CSMD1: variants seen among roughly 807,000 people sequenced by gnomAD.
CSMD1 encodes the protein CUB and Sushi multiple domains 1, also known as CUB and sushi domain-containing protein 1.
A neutral mutation model predicts 417.5 loss-of-function variants in CSMD1; 213 were observed. The observed-to-expected ratio is 0.51, with a 90% confidence interval of 0.46 to 0.57. The LOEUF is 0.57. Among genes scored for constraint, CSMD1 ranks in the 20% least tolerant of loss-of-function variants. The probability of loss-of-function intolerance (pLI) is 0.00; values close to 1 mark genes in which losing one functional copy is unlikely to be tolerated. For missense variants in CSMD1, 6,923 were observed against 4,529.7 expected (o/e 1.53, Z -15.17); for synonymous variants, 2,862 against 1,736.8 (o/e 1.65, Z -16.11).
At chr8:3,755,365 G>C (rs555840599) in intron 5 of CSMD1, among the ~76,000 whole-genome samples, 1 of 152,336 alleles carries the variant, frequency 6.6e-6, no homozygotes, top group East Asian at 1.9e-4. Flanking sequence ...AAATGTACCT[G>C]AAGCACATTC....
At chr8:4,972,331 A>T (rs2117387821) in intron 1 of CSMD1, among the ~76,000 whole-genome samples, 1 of 152,242 alleles carries the variant, frequency 6.6e-6, no homozygotes, top group Admixed American at 6.5e-5. Context: ...ATAATCCCCA[A>T]GTGTCAAGGG....
At chr8:3,362,003 T>C (rs1809217433) in intron 20 of CSMD1, among the ~76,000 whole-genome samples, 1 of 152,206 alleles carries the variant, frequency 6.6e-6, no homozygotes, top group African/African-American at 2.4e-5. Flanking sequence ...ACAAGAAAAG[T>C]GTATTGCCTT....
intron 6 of CSMD1, among the ~76,000 whole-genome samples, chr8:3,711,369 G>A (rs147986267): frequency 5.9e-5 from 9 of 152,296 alleles, no homozygotes; most frequent in African/African-American, 2.2e-4. Context: ...GCTGGCCAGA[G>A]GGTGGCTGTT....
intron 7 of CSMD1, among the ~76,000 whole-genome samples, chr8:3,634,333 C>T (rs1369199113): frequency 1.3e-5 from 2 of 152,160 alleles, no homozygotes; most frequent in Non-Finnish European, 2.9e-5. Flanking sequence ...GGACAGCATG[C>T]CTGTGTGACA....
At chr8:4,459,565 G>C (rs187237568) in intron 2 of CSMD1, among the ~76,000 whole-genome samples, 21 of 152,320 alleles carry the variant, frequency 1.4e-4, no homozygotes, top group African/African-American at 5.1e-4. Context: ...AGAGCTGCAG[G>C]CTAATCCATG....
At chr8:4,438,876 C>A (rs1043048358) in intron 2 of CSMD1, among the ~76,000 whole-genome samples, 4 of 152,198 alleles carry the variant, frequency 2.6e-5, no homozygotes, top group African/African-American at 9.6e-5. Context: ...CCCTTGAAAG[C>A]ATTAGATTAC....
intron 3 of CSMD1, among the ~76,000 whole-genome samples, chr8:4,220,802 G>A (rs767395523): frequency 2.6e-5 from 4 of 152,208 alleles, no homozygotes; most frequent in African/African-American, 7.2e-5. Context: ...CGCACCGAAC[G>A]CAGCTCAGGT....
chr8:4,253,394 A>C (rs1803221351), intron 3 of CSMD1, among the ~76,000 whole-genome samples: 1 of 151,322 alleles, frequency 6.6e-6, no homozygotes, highest in African/African-American at 2.4e-5. Flanking sequence ...TTGAGTCCAT[A>C]ATCTCAAATT....
At chr8:3,766,431 T>G (rs907945330) in intron 5 of CSMD1, among the ~76,000 whole-genome samples, 3 of 152,162 alleles carry the variant, frequency 2.0e-5, no homozygotes, top group Non-Finnish European at 4.4e-5. Flanking sequence ...TCCTGGTACC[T>G]GGGTTACTAC....
intron 5 of CSMD1, among the ~76,000 whole-genome samples, chr8:3,767,077 T>C (rs530591336): frequency 1.3e-5 from 2 of 152,234 alleles, no homozygotes; most frequent in African/African-American, 4.8e-5. Flanking sequence ...GCCTGCCTCC[T>C]GCAGACCCAC....
intron 54 of CSMD1, among the ~76,000 whole-genome samples, chr8:2,981,953 C>T (rs1805459745): frequency 6.6e-6 from 1 of 152,174 alleles, no homozygotes; most frequent in South Asian, 2.1e-4. Flanking sequence ...AGCTGGAAAT[C>T]TTAGCCCTCG....
At chr8:4,027,773 A>C (rs1240737250) in intron 4 of CSMD1, among the ~76,000 whole-genome samples, 1 of 152,186 alleles carries the variant, frequency 6.6e-6, no homozygotes, top group Non-Finnish European at 1.5e-5. Context: ...AACTAAAATA[A>C]CATAGTAAAG....
At chr8:3,049,939 A>G (rs748978720) in intron 50 of CSMD1, among the ~76,000 whole-genome samples, 23 of 152,110 alleles carry the variant, frequency 1.5e-4, no homozygotes, top group Non-Finnish European at 3.1e-4. Flanking sequence ...TCTCGAGAAC[A>G]ACGTCTGTCA....
At chr8:3,305,087 C>G (rs1804725504) in intron 25 of CSMD1, among the ~76,000 whole-genome samples, 1 of 152,056 alleles carries the variant, frequency 6.6e-6, no homozygotes, top group Non-Finnish European at 1.5e-5. Flanking sequence ...GTGATCATAG[C>G]TTACTTCAGC....
chr8:3,111,346 T>C (rs1045493767), intron 42 of CSMD1, among the ~76,000 whole-genome samples: 2 of 141,160 alleles, frequency 1.4e-5, no homozygotes, highest in African/African-American at 4.9e-5. Flanking sequence ...ATTTGGATCT[T>C]TTCATCAGAA....
At chr8:4,355,292 A>C (rs1451239207) in intron 3 of CSMD1, among the ~76,000 whole-genome samples, 1 of 149,976 alleles carries the variant, frequency 6.7e-6, no homozygotes, top group Non-Finnish European at 1.5e-5. Flanking sequence ...TGGACACAGG[A>C]ACAAACCACT....
intron 3 of CSMD1, among the ~76,000 whole-genome samples, chr8:4,278,748 G>C (rs1324014100): frequency 6.6e-6 from 1 of 152,128 alleles, no homozygotes; most frequent in Non-Finnish European, 1.5e-5. Flanking sequence ...GTTTGACTTG[G>C]TATAAGATCT....
At chr8:3,191,116 G>A (rs1399524229) in intron 33 of CSMD1, among the ~76,000 whole-genome samples, 2 of 152,304 alleles carry the variant, frequency 1.3e-5, no homozygotes, top group South Asian at 4.1e-4. Context: ...GTGCCATCAT[G>A]TTGCATTTAG....
At chr8:4,312,452 TATATATATGCGC>T in intron 3 of CSMD1, among the ~76,000 whole-genome samples, 1 of 119,148 alleles carries the variant, frequency 8.4e-6, no homozygotes, top group East Asian at 2.0e-4. Context: ...TATATATACG[TATATATATGCGC>T]GTATATATAT....
Sources: gnomAD v4.1 joint callset for allele counts (sites outside exome capture counted in the v4.1 genomes callset) on GRCh38, gnomAD v4.1.1 for gene constraint, MANE v1.5 for transcripts, NCBI Gene and HGNC (gene_info 2026-07-23, HGNC 2026-07-21) for gene names.